FANCD2: variants seen among roughly 807,000 people sequenced by gnomAD.
The protein encoded by FANCD2 is Fanconi anemia group D2 protein.
FANCD2 carries 131 observed loss-of-function variants against 192.3 expected under a neutral mutation model. The ratio of observed to expected loss-of-function variants is 0.68; its 90% CI spans 0.59 to 0.79. The LOEUF (loss-of-function observed/expected upper bound fraction) is 0.79, where lower values mean the gene tolerates loss of function less well. Among genes scored for constraint, FANCD2 ranks in the 30% least tolerant of loss-of-function variants. The pLI is 0.00. For missense variants in FANCD2, 1,508 were observed against 1,701.6 expected (o/e 0.89, Z 2.00); for synonymous variants, 524 against 612.5 (o/e 0.86, Z 2.13).
intron 2 of FANCD2, among the ~76,000 whole-genome samples, chr3:10,032,125 G>A (rs996544070): frequency 1.1e-4 from 16 of 151,940 alleles, no homozygotes; most frequent in African/African-American, 3.1e-4. Flanking sequence ...GATTACAGGC[G>A]TGAGCCACTG....
At chr3:10,062,946 C>T (rs2087612300) in intron 20 of FANCD2, among the ~76,000 whole-genome samples, 1 of 152,100 alleles carries the variant, frequency 6.6e-6, no homozygotes, top group African/African-American at 2.4e-5. Flanking sequence ...GGTGATCTGC[C>T]CCCATCAGCC....
chr3:10,055,551 G>A (rs1201198720), intron 18 of FANCD2, among the ~76,000 whole-genome samples: 3 of 152,100 alleles, frequency 2.0e-5, no homozygotes, highest in East Asian at 1.9e-4. Context: ...GGTGACTCAC[G>A]CCTGTAATCC....
At chr3:10,063,947 A>G (rs1046109366) in intron 21 of FANCD2, 36 bp downstream of exon 21, 3 of 1,614,202 alleles carry the variant, frequency 1.9e-6, no homozygotes, top group Admixed American at 1.7e-5. Context: ...GCAATAAAGC[A>G]TGAGAGCTGC....
At chr3:10,092,137 A>G in intron 37 of FANCD2, 44 bp from the exon 38 acceptor site, 1 of 1,275,260 alleles carries the variant, frequency 7.8e-7, no homozygotes, top group Non-Finnish European at 1.1e-6. Flanking sequence ...TAAGGGAAGT[A>G]TTTGGCTGTG....
chr3:10,087,149 C>T lies in FANCD2; in HGVS notation c.3351C>T (p.Tyr1117=), dbSNP rs566518051. 9 of 1,614,112 alleles carry T rather than the reference C, an allele frequency of 5.6e-6. No homozygotes were observed. The highest frequency in any genetic ancestry group is 5.5e-5 in the South Asian group (5 of 91,082). Residue 1117 remains tyrosine (Y), a synonymous_variant, in exon 34 of 44, where the codon TAC becomes TAT. Coordinates refer to ENST00000675286, the MANE Select transcript of FANCD2 (RefSeq NM_001018115.3). ...CTCCTTACAGCCAGAGCGTCCATTA[C>T]TTGCAGAATTTCCATCAAAGCATTC... is the stretch of plus-strand genomic sequence containing the variant. ...LEELLSQSVH[Y]LQNFHQSIPS...
intron 19 of FANCD2, among the ~76,000 whole-genome samples, chr3:10,061,743 A>T (rs1475688744): frequency 1.3e-5 from 2 of 152,226 alleles, no homozygotes; most frequent in East Asian, 3.8e-4. Flanking sequence ...TGTATTTTGT[A>T]TGGACAAAAT....
In FANCD2 at chr3:10,034,541, G is replaced by C. The variant is rs1175902139; in HGVS notation, c.273+5G>C. On this transcript the variant is annotated splice_donor_5th_base_variant and intron_variant, in intron 4 of 43. Transcript: ENST00000675286. ...AGACACCCTTCCTATCCCAAAGTAT[G>C]TATTTTTCCCCTGGTATTTTTGCTT... is the stretch of plus-strand genomic sequence containing the variant. 1 of 1,607,362 alleles carries C rather than the reference G, an allele frequency of 6.2e-7. No individual in the cohort carries two copies. The highest frequency in any genetic ancestry group is 1.1e-5 in the South Asian group (1 of 90,946).
In FANCD2 at chr3:10,052,487, GCCA is replaced by G. The variant is rs766411763; in HGVS notation, c.1648_1650del (p.His550del). ...TTTAGCAAACAGAATGAAGCCAGCA[GCCA>G]CATCCAGGTAAGAGGCAATATGTTG... On this transcript the variant is annotated inframe_deletion, in exon 18 of 44. Transcript: ENST00000675286. The G allele has an allele frequency of 6.2e-7, 1 of 1,609,176 alleles. No individual in the cohort carries two copies. Among genetic ancestry groups the G allele is most frequent in the South Asian group, 1.1e-5 (1 of 90,940 alleles).
At chr3:10,060,529 A>G (rs1035400897) in intron 19 of FANCD2, 126 bp downstream of exon 19, 3 of 753,044 alleles carry the variant, frequency 4.0e-6, no homozygotes, top group African/African-American at 1.7e-5. Context: ...GTGTTTTGCT[A>G]CTTTTCCATG....
chr3:10,088,800 T>G (rs1413909810), intron 35 of FANCD2, 28 bp from the exon 36 acceptor site: 1 of 1,612,662 alleles, frequency 6.2e-7, no homozygotes, highest in African/African-American at 1.3e-5. Flanking sequence ...TGTTAATTAG[T>G]GGGTCAAATA....
At chr3:10,045,751 G>A (rs1288679629) in intron 14 of FANCD2, 3 of 151,756 alleles carry the variant, frequency 2.0e-5, no homozygotes, top group African/African-American at 4.8e-5. Context: ...ACAGGTGTGT[G>A]CTACTTTGCC....
intron 8 of FANCD2, 46 bp downstream of exon 8, chr3:10,039,403 C>T: frequency 6.8e-7 from 1 of 1,465,030 alleles, no homozygotes; most frequent in South Asian, 1.2e-5. Context: ...GTATGTTTCT[C>T]ATATCTTTTG....
intron 30 of FANCD2, among the ~76,000 whole-genome samples, chr3:10,079,136 T>C (rs542597339): frequency 6.6e-6 from 1 of 151,854 alleles, no homozygotes; most frequent in African/African-American, 2.4e-5. Context: ...CCCAGGTACT[T>C]GGGAGGCTGA....
chr3:10,041,569 G>C (rs1040797633), intron 9 of FANCD2, 54 bp from the exon 10 acceptor site: 1 of 1,192,964 alleles, frequency 8.4e-7, no homozygotes, highest in African/African-American at 1.5e-5. Flanking sequence ...GTCATTGTCT[G>C]CCCAGCTCTG....
intron 26 of FANCD2, among the ~76,000 whole-genome samples, chr3:10,072,204 C>T (rs1437668950): frequency 2.6e-5 from 4 of 151,924 alleles, no homozygotes; most frequent in Non-Finnish European, 5.9e-5. Flanking sequence ...CCCCATTTAC[C>T]CTCATGTGAT....
intron 18 of FANCD2, among the ~76,000 whole-genome samples, chr3:10,056,310 G>C (rs1482301962): frequency 6.6e-6 from 1 of 152,066 alleles, no homozygotes; most frequent in Non-Finnish European, 1.5e-5. Flanking sequence ...TTGAGTCCCT[G>C]TTTTCAGTTT....
intron 29 of FANCD2, among the ~76,000 whole-genome samples, chr3:10,076,023 G>A (rs903882196): frequency 6.0e-5 from 9 of 149,156 alleles, no homozygotes; most frequent in African/African-American, 2.0e-4. Context: ...GAGCCACTGC[G>A]CCCAGCCATA....
chr3:10,034,648 A>G, intron 4 of FANCD2, 47 bp from the exon 5 acceptor site: 4 of 1,520,874 alleles, frequency 2.6e-6, no homozygotes, highest in Non-Finnish European at 3.6e-6. Flanking sequence ...AACAGCAAAT[A>G]TTAAACTAAA....
chr3:10,075,725 A>G (rs1368155609), intron 29 of FANCD2, among the ~76,000 whole-genome samples: 1 of 122,760 alleles, frequency 8.1e-6, no homozygotes, highest in Admixed American at 1.0e-4. Context: ...CAGAAATAGT[A>G]TCCTTTTTTT....
Sources: allele counts gnomAD v4.1 joint callset (sites outside exome capture counted in the v4.1 genomes callset), GRCh38; gene constraint gnomAD v4.1.1; transcripts MANE v1.5; gene names NCBI Gene and HGNC (gene_info 2026-07-23, HGNC 2026-07-21).